The following LGR6 variants were observed in gnomAD, a reference collection of about 807,000 sequenced individuals.
LGR6 encodes leucine rich repeat containing G protein-coupled receptor 6, also known as leucine-rich repeat-containing G protein-coupled receptor 6.
In LGR6, 45 loss-of-function variants were observed where a neutral mutation model predicts 69.4. The ratio of observed to expected loss-of-function variants is 0.65; its 90% confidence interval spans 0.51 to 0.83. LGR6 has a LOEUF of 0.83. Ranked by LOEUF, LGR6 falls within the 40% of genes least tolerant of loss-of-function variation. The pLI is 0.00. For synonymous variants in LGR6, 538 were observed against 555.0 expected (o/e 0.97, Z 0.43); for missense variants, 1,108 against 1,246.7 (o/e 0.89, Z 1.68).
intron 6 of LGR6, among the ~76,000 whole-genome samples, chr1:202,287,679 C>T (rs1224725152): frequency 6.6e-6 from 1 of 152,182 alleles, no homozygotes; most frequent in Non-Finnish European, 1.5e-5. Flanking sequence ...TTACTCAGGC[C>T]CAAACCTTGG....
At chr1:202,200,022 C>A (rs1365735103) in intron 1 of LGR6, among the ~76,000 whole-genome samples, 1 of 152,236 alleles carries the variant, frequency 6.6e-6, no homozygotes, top group Admixed American at 6.5e-5. Flanking sequence ...GGCAGAGTCT[C>A]ATCTTCTGGA....
chr1:202,249,375 C>T (rs530201466), intron 4 of LGR6, among the ~76,000 whole-genome samples: 1 of 152,304 alleles, frequency 6.6e-6, no homozygotes, highest in Admixed American at 6.5e-5. Flanking sequence ...TTCCCCTGCC[C>T]ATCCTATAAA....
intron 16 of LGR6, among the ~76,000 whole-genome samples, chr1:202,313,960 A>G (rs892122351): frequency 6.6e-6 from 1 of 152,144 alleles, no homozygotes; most frequent in Non-Finnish European, 1.5e-5. Flanking sequence ...GAGCAGGTCC[A>G]TCTCTTATTC....
intron 1 of LGR6, chr1:202,194,711 G>T: frequency 3.8e-6 from 1 of 264,970 alleles, no homozygotes. Flanking sequence ...GGGGCGGGGG[G>T]GGCGGGTTTC....
At chr1:202,265,287 A>G (rs1232578121) in intron 4 of LGR6, among the ~76,000 whole-genome samples, 4 of 152,118 alleles carry the variant, frequency 2.6e-5, no homozygotes, top group African/African-American at 4.8e-5. Context: ...CTGTCCCACC[A>G]GGAGTACTCA....
intron 1 of LGR6, among the ~76,000 whole-genome samples, chr1:202,216,077 T>C (rs986239574): frequency 1.2e-4 from 18 of 152,208 alleles, no homozygotes; most frequent in Admixed American, 7.8e-4. Context: ...ACTTTGCCGC[T>C]TCGTCACCTA....
At chr1:202,204,730 AAC>A (rs766909854) in intron 1 of LGR6, among the ~76,000 whole-genome samples, 16 of 9,834 alleles carry the variant, frequency 1.6e-3, no homozygotes, top group Non-Finnish European at 1.9e-3. Flanking sequence ...ACCTCCTTCA[AAC>A]ACACACACAC....
intron 4 of LGR6, among the ~76,000 whole-genome samples, chr1:202,257,540 A>G (rs1314868708): frequency 2.6e-5 from 4 of 152,132 alleles, no homozygotes; most frequent in South Asian, 4.1e-4. Context: ...CCAGCACAAC[A>G]TTTTTGTCAT....
chr1:202,308,694 A>T, intron 14 of LGR6, among the ~76,000 whole-genome samples: 1 of 152,202 alleles, frequency 6.6e-6, no homozygotes, highest in East Asian at 1.9e-4. Context: ...GCGGGTGGGC[A>T]GGGCTTCCTG....
chr1:202,306,807 G>A lies in LGR6; in HGVS notation c.1137-61G>A, dbSNP rs763233985. ...ACTTTCTTCCTCCCAGTGCTCGGGG[G>A]GCATGGAGCGGAGCCAGGGTCTGAG... On this transcript the variant is annotated intron_variant, in intron 12 of 17. Transcript: ENST00000367278. The A allele has an allele frequency of 5.5e-6, 8 of 1,460,728 alleles. No individual in the cohort carries two copies. In the African/African-American group the frequency reaches 8.4e-5, roughly 15 times the overall value. The allele number at this position is 1,460,728 out of a possible 1,614,324, so 90.5% of individuals were successfully genotyped here. A position where few individuals can be genotyped will look rare whatever the true frequency, so the allele number is the denominator to read the frequency against.
intron 3 of LGR6, among the ~76,000 whole-genome samples, chr1:202,230,704 C>T (rs1660956589): frequency 1.3e-5 from 2 of 152,210 alleles, no homozygotes; most frequent in Admixed American, 1.3e-4. Context: ...GTCTCGTCTC[C>T]ATCACAGGTT....
chr1:202,304,573 C>CA lies in LGR6; in HGVS notation c.1014dup (p.Gly339ArgfsTer27). Reference sequence around the variant, plus strand: ...TCTCCCTGCAGGACCCTGACCCGCGCAGGCATCCGGCTGCTCCCATCGGGG... The same window carrying CA: ...TCTCCCTGCAGGACCCTGACCCGCGCAAGGCATCCGGCTGCTCCCATCGGGG... On this transcript the variant is annotated frameshift_variant, in exon 11 of 18. Transcript: ENST00000367278. LOFTEE classifies it high-confidence loss of function. 1 of 1,609,748 alleles carries CA rather than the reference C, an allele frequency of 6.2e-7. No individual in the cohort carries two copies.
chr1:202,258,556 T>C (rs1167806548), intron 4 of LGR6, among the ~76,000 whole-genome samples: 1 of 152,044 alleles, frequency 6.6e-6, no homozygotes, highest in Non-Finnish European at 1.5e-5. Context: ...TGATATTTAT[T>C]GGGTTGTGTT....
chr1:202,194,235 G>A lies in LGR6; in HGVS notation c.212+34G>A, dbSNP rs565572463. On this transcript the variant is annotated intron_variant, in intron 1 of 17. Transcript: ENST00000367278. ...TGCCCGCCTGTCCCCGCCTGGTCCT[G>A]CGGGCTGCTGGCTAGCGCCCAGTCC... The A allele has an allele frequency of 2.7e-6, 4 of 1,483,362 alleles. No homozygotes were observed. The East Asian group carries it at 7.5e-5, about 28-fold the overall frequency. The allele number at this position is 1,483,362 out of a possible 1,614,324, so 91.9% of individuals were successfully genotyped here.
intron 11 of LGR6, 38 bp from the exon 12 acceptor site, chr1:202,305,646 C>T: frequency 6.3e-7 from 1 of 1,591,576 alleles, no homozygotes. Flanking sequence ...CAGATAGCCA[C>T]CATTTCACCC....
chr1:202,224,210 A>G (rs1660352809), intron 1 of LGR6, among the ~76,000 whole-genome samples: 1 of 152,086 alleles, frequency 6.6e-6, no homozygotes, highest in Admixed American at 6.6e-5. Context: ...TATTGTGAGA[A>G]TGGAAGGAGG....
chr1:202,218,579 A>C (rs757905205), intron 1 of LGR6, among the ~76,000 whole-genome samples: 11 of 152,194 alleles, frequency 7.2e-5, no homozygotes, highest in Non-Finnish European at 1.0e-4. Context: ...AGGCCAGGGA[A>C]GCAAAAAGCT....
rs561224262 is a variant in LGR6, at chr1:202,319,158, G to A, written c.2855G>A (p.Gly952Glu). The change falls in exon 18 of 18, where the codon GGG (glycine) becomes GAG (glutamate). Residue 952 changes from glycine to glutamate, a missense_variant. By Grantham distance (98) the Gly-to-Glu change is moderately conservative (BLOSUM62 -2). Coordinates refer to ENST00000367278, the MANE Select transcript of LGR6 (RefSeq NM_001017403.2). ...GSTPAGGGLS[G>E]GGGFQPSGLA... ...ACGCCAGCAGGTGGAGGCTTGTCAGGGGGTGGCGGCTTTCAGCCCTCTGGC... is the reference window on the plus strand; with the variant it reads ...ACGCCAGCAGGTGGAGGCTTGTCAGAGGGTGGCGGCTTTCAGCCCTCTGGC... 4 of 1,613,416 alleles carry A rather than the reference G, an allele frequency of 2.5e-6. No homozygotes were observed. The highest frequency in any genetic ancestry group is 1.7e-5 in the Admixed American group (1 of 59,886).
chr1:202,291,671 T>G (rs1666802724), intron 6 of LGR6, among the ~76,000 whole-genome samples: 1 of 152,218 alleles, frequency 6.6e-6, no homozygotes, highest in African/African-American at 2.4e-5. Context: ...TTGCCTGGAC[T>G]TCAATCCCCG....
Sources: gnomAD v4.1 joint callset for allele counts (sites outside exome capture counted in the v4.1 genomes callset) on GRCh38, gnomAD v4.1.1 for gene constraint, MANE v1.5 for transcripts, NCBI Gene and HGNC (gene_info 2026-07-23, HGNC 2026-07-21) for gene names.